Variants in GJA1 observed in about 807,000 individuals in gnomAD.
GJA1 encodes the protein gap junction protein alpha 1.
Under a neutral mutation model 31.0 loss-of-function variants are expected in GJA1, and 9 were observed. That is an observed-to-expected ratio of 0.29 (90% CI 0.17 to 0.51). The LOEUF (loss-of-function observed/expected upper bound fraction) is 0.51. Ranked by LOEUF, GJA1 falls within the 20% of genes least tolerant of loss-of-function variation. The pLI, the probability that GJA1 is intolerant of heterozygous loss-of-function variation, is 0.98. For missense variants in GJA1, 278 were observed against 468.8 expected (o/e 0.59, Z 3.76); for synonymous variants, 186 against 180.1 (o/e 1.03, Z -0.26).
intron 1 of GJA1, among the ~76,000 whole-genome samples, chr6:121,445,268 C>A (rs1301491562): frequency 6.6e-6 from 1 of 152,176 alleles, no homozygotes; most frequent in Non-Finnish European, 1.5e-5. Context: ...GCCTTAGCCT[C>A]CCGAGTAGCT....
chr6:121,449,028 GTT>G lies in GJA1; in HGVS notation c.*1036_*1037del, dbSNP rs1469443386. On this transcript the variant is annotated 3_prime_UTR_variant, in exon 2 of 2. Coordinates refer to ENST00000282561, the MANE Select transcript of GJA1 (RefSeq NM_000165.5). ...GCACACTTTTTTTTTCTCCTAAAATGTTTTTCCCTGTGTATCCTATTATGGAT... is the reference window on the plus strand; with the variant it reads ...GCACACTTTTTTTTTCTCCTAAAATGTTTCCCTGTGTATCCTATTATGGAT... The G allele has an allele frequency of 6.0e-6, 1 of 165,330 alleles. No homozygotes were observed. Among genetic ancestry groups the G allele is most frequent in the Non-Finnish European group, 1.5e-5 (1 of 68,046 alleles). 10.2% of individuals were successfully genotyped at this position (165,330 alleles called of 1,614,324 possible).
chr6:121,436,016 A>G (rs1363314782), intron 1 of GJA1, among the ~76,000 whole-genome samples, 184 bp downstream of exon 1: 2 of 152,206 alleles, frequency 1.3e-5, no homozygotes, highest in Non-Finnish European at 2.9e-5. Context: ...ATATATTTTG[A>G]CTGTTAAAAA....
intron 1 of GJA1, among the ~76,000 whole-genome samples, chr6:121,442,433 A>G (rs1773810007): frequency 6.6e-6 from 1 of 152,228 alleles, no homozygotes; most frequent in South Asian, 2.1e-4. Flanking sequence ...GGAGCTGCAG[A>G]TGGAGATGTA....
intron 1 of GJA1, among the ~76,000 whole-genome samples, chr6:121,440,783 C>T (rs921471231): frequency 6.6e-6 from 1 of 152,002 alleles, no homozygotes; most frequent in Non-Finnish European, 1.5e-5. Flanking sequence ...ACTCTATCAC[C>T]CGGGTTGGAG....
In GJA1 at chr6:121,447,130, C is replaced by T; in HGVS notation, c.283C>T (p.His95Tyr). The T allele has an allele frequency of 6.2e-7, 1 of 1,613,988 alleles. No homozygotes were observed. Among genetic ancestry groups the T allele is most frequent in the Non-Finnish European group, 8.5e-7 (1 of 1,179,910 alleles). The change falls in exon 2 of 2, where the codon CAT becomes TAT. Residue 95 changes from histidine to tyrosine, a missense_variant. Coordinates refer to ENST00000282561, the MANE Select transcript of GJA1 (RefSeq NM_000165.5). ...VSVPTLLYLA[H>Y]VFYVMRKEEK... ...TGTACCCACACTCTTGTACCTGGCT[C>T]ATGTGTTCTATGTGATGCGAAAGGA...
At chr6:121,445,834 G>A (rs765520665) in intron 1 of GJA1, among the ~76,000 whole-genome samples, 1 of 152,104 alleles carries the variant, frequency 6.6e-6, no homozygotes, top group Non-Finnish European at 1.5e-5. Context: ...ATAAGTCACT[G>A]CTTAAGAAAA....
At chr6:121,439,072 A>AGGATC (rs1387121195) in intron 1 of GJA1, among the ~76,000 whole-genome samples, 131 of 152,238 alleles carry the variant, frequency 8.6e-4, no homozygotes, top group African/African-American at 3.1e-3. Flanking sequence ...CTGAGGTGGG[A>AGGATC]GGATCGCTTG....
chr6:121,446,402 A>G (rs1036832338), intron 1 of GJA1, among the ~76,000 whole-genome samples: 4 of 152,230 alleles, frequency 2.6e-5, no homozygotes, highest in African/African-American at 9.6e-5. Flanking sequence ...TCTTACCTGG[A>G]TTCTTGATAC....
intron 1 of GJA1, among the ~76,000 whole-genome samples, chr6:121,444,797 T>G (rs897921597): frequency 6.6e-6 from 1 of 152,240 alleles, no homozygotes; most frequent in African/African-American, 2.4e-5. Context: ...TAATTTGTCC[T>G]TTTCTAAATC....
chr6:121,435,980 T>A (rs2114266775), intron 1 of GJA1, 148 bp downstream of exon 1: 1 of 152,284 alleles, frequency 6.6e-6, no homozygotes, highest in East Asian at 1.9e-4. Flanking sequence ...TCTATAGTTT[T>A]AAAGTTAAAA....
rs567329763 is a variant in GJA1, at chr6:121,438,890, AT to A, written c.-17+3062del. Among the ~76,000 whole-genome samples, 9 of 151,726 alleles carry A rather than the reference AT, an allele frequency of 5.9e-5. No individual in the cohort carries two copies. The South Asian group carries it at 1.9e-3, about 32-fold the overall frequency. On this transcript the variant is annotated intron_variant, in intron 1 of 1. Coordinates refer to ENST00000282561, the MANE Select transcript of GJA1 (RefSeq NM_000165.5). ...TGTATGTACAGATTGTCTTTTACCT[AT>A]TTTCAAACTGTGGTTAGCTCTTTTT...
intron 1 of GJA1, among the ~76,000 whole-genome samples, chr6:121,444,489 C>T (rs906310235): frequency 6.6e-6 from 1 of 152,144 alleles, no homozygotes; most frequent in Non-Finnish European, 1.5e-5. Flanking sequence ...CAGGAAATCC[C>T]AGGTCAGGTG....
chr6:121,444,414 CG>C (rs1773850689), intron 1 of GJA1, among the ~76,000 whole-genome samples: 1 of 152,126 alleles, frequency 6.6e-6, no homozygotes, highest in East Asian at 1.9e-4. Flanking sequence ...CCCATGATAC[CG>C]TGGTACCATC....
Position 121,447,822 on chromosome 6 carries a change from C to A in GJA1, c.975C>A (p.Ser325Arg). The A allele has an allele frequency of 6.2e-7, 1 of 1,613,872 alleles. No individual in the cohort carries two copies. The highest frequency in any genetic ancestry group is 8.5e-7 in the Non-Finnish European group (1 of 1,179,872). Residue 325 changes from serine to arginine, a missense_variant, in exon 2 of 2, where the codon AGC (serine) becomes AGA (arginine). Physicochemically the swap from Ser to Arg is moderately radical, Grantham distance 110. This residue lies in a region of GJA1 where 172 missense variants were observed against 190.9 expected (regional missense o/e 0.90). Transcript: ENST00000282561. The part of the protein sequence containing the change: ...AEQNRMGQAG[S>R]TISNSHAQPF... ...AAAATCGAATGGGGCAGGCGGGAAG[C>A]ACCATCTCTAACTCCCATGCACAGC...
chr6:121,440,622 C>T (rs1379129704), intron 1 of GJA1, among the ~76,000 whole-genome samples: 2 of 150,494 alleles, frequency 1.3e-5, no homozygotes, highest in Non-Finnish European at 2.9e-5. Context: ...TAAGAGAATC[C>T]CAAAGAGACA....
At position 121,447,732 on chromosome 6, in the gene GJA1, T is replaced by C. The variant is rs370436837; in HGVS notation, c.885T>C (p.Asn295=). The C allele has an allele frequency of 8.7e-6, 14 of 1,613,910 alleles. No individual in the cohort carries two copies. Among genetic ancestry groups the C allele is most frequent in the Non-Finnish European group, 1.2e-5 (14 of 1,179,996 alleles). ...GYKLVTGDRN[N]SSCRNYNKQA... The stretch of plus-strand genomic sequence containing the variant: ...AGCTGGTTACTGGCGACAGAAACAA[T>C]TCTTCTTGCCGCAATTACAACAAGC... Residue 295 remains asparagine (N), a synonymous_variant, in exon 2 of 2, where the codon AAT becomes AAC. Transcript: ENST00000282561.
chr6:121,442,145 A>G (rs1773804422), intron 1 of GJA1, among the ~76,000 whole-genome samples: 1 of 152,162 alleles, frequency 6.6e-6, no homozygotes, highest in African/African-American at 2.4e-5. Context: ...AAGATGCTGG[A>G]TATCAAATTT....
chr6:121,439,063 T>C lies in GJA1; in HGVS notation c.-17+3231T>C, dbSNP rs144259553. 4.6e-3 allele frequency among the ~76,000 whole-genome samples: 695 copies of C among 152,264 alleles called. 7 individuals carry two copies. Among genetic ancestry groups the C allele is most frequent in the African/African-American group, 0.016 (680 of 41,560 alleles). ...CTGTAATCCTAGCCCTTTGAGAGGCTGAGGTGGGAGGATCGCTTGGGGCCA... is the reference window on the plus strand; with the variant it reads ...CTGTAATCCTAGCCCTTTGAGAGGCCGAGGTGGGAGGATCGCTTGGGGCCA... On this transcript the variant is annotated intron_variant, in intron 1 of 1. Coordinates refer to ENST00000282561, the MANE Select transcript of GJA1 (RefSeq NM_000165.5).
At position 121,447,298 on chromosome 6, in the gene GJA1, T is replaced by C; in HGVS notation, c.451T>C (p.Leu151=). 6.2e-7 allele frequency: 1 copy of C among 1,613,800 alleles called. No individual in the cohort carries two copies. Among genetic ancestry groups the C allele is most frequent in the Non-Finnish European group, 8.5e-7 (1 of 1,179,894 alleles). ...EHGKVKMRGG[L]LRTYIISILF... is the part of the protein sequence containing the mutation. ...TGGTAAGGTGAAAATGCGAGGGGGG[T>C]TGCTGCGAACCTACATCATCAGTAT... Residue 151 remains leucine (L), a synonymous_variant, in exon 2 of 2, where the codon TTG becomes CTG. Transcript: ENST00000282561.
Sources: gnomAD v4.1 joint callset for allele counts (sites outside exome capture counted in the v4.1 genomes callset) on GRCh38, gnomAD v4.1.1 for gene constraint, gnomAD v4.1.1 regional missense constraint, MANE v1.5 for transcripts, NCBI Gene and HGNC (gene_info 2026-07-23, HGNC 2026-07-21) for gene names.